Variants in ZBTB46 observed in about 807,000 individuals in gnomAD.
The protein encoded by ZBTB46 is zinc finger and BTB domain containing 46.
ZBTB46 carries 8 observed loss-of-function variants against 44.1 expected under a neutral mutation model. The ratio of observed to expected loss-of-function variants is 0.18; its 90% confidence interval spans 0.11 to 0.33. The LOEUF (loss-of-function observed/expected upper bound fraction) is 0.33. Among genes scored for constraint, ZBTB46 ranks in the 10% least tolerant of loss-of-function variants. The pLI is 1.00. For synonymous variants in ZBTB46, 409 were observed against 382.3 expected, an observed-to-expected ratio of 1.07 and a Z score of -0.81; for missense variants, 651 against 847.7, an observed-to-expected ratio of 0.77 and a Z score of 2.88.
intron 1 of ZBTB46, among the ~76,000 whole-genome samples, chr20:63,791,958 G>A (rs1380311730): frequency 2.0e-5 from 3 of 152,166 alleles, no homozygotes; most frequent in Non-Finnish European, 2.9e-5. Context: ...GATGTCGGCC[G>A]AGCTGGTGCC....
chr20:63,793,458 G>C (rs1381210158), intron 1 of ZBTB46, among the ~76,000 whole-genome samples: 1 of 152,124 alleles, frequency 6.6e-6, no homozygotes, highest in Non-Finnish European at 1.5e-5. Context: ...CCCGAAGCTG[G>C]GGGGTCCACA....
intron 1 of ZBTB46, among the ~76,000 whole-genome samples, chr20:63,820,712 G>A (rs938945057): frequency 6.6e-5 from 10 of 151,512 alleles, no homozygotes; most frequent in African/African-American, 2.2e-4. Flanking sequence ...GATTACAGGC[G>A]TGAGCCACCG....
intron 3 of ZBTB46, among the ~76,000 whole-genome samples, chr20:63,761,757 G>C (rs953689035): frequency 6.7e-6 from 1 of 149,752 alleles, no homozygotes; most frequent in Admixed American, 6.7e-5. Context: ...ACTCCAGCCT[G>C]GGTGACAGAG....
intron 1 of ZBTB46, among the ~76,000 whole-genome samples, chr20:63,798,885 T>G (rs6010655): frequency 0.17 from 26,351 of 151,160 alleles, 2,754 homozygotes; most frequent in East Asian, 0.45. Context: ...AATCACCATT[T>G]TAAAGTGGAA....
At chr20:63,816,123 TGG>T (rs2146059494) in intron 1 of ZBTB46, among the ~76,000 whole-genome samples, 2 of 148,938 alleles carry the variant, frequency 1.3e-5, no homozygotes, top group East Asian at 4.0e-4. Flanking sequence ...TGGGCGCAGG[TGG>T]GCGCAGGTGC....
chr20:63,808,976 CAAAAAA>C (rs1157399042), intron 1 of ZBTB46, among the ~76,000 whole-genome samples: 22,287 of 75,324 alleles, frequency 0.3, 2,398 homozygotes, highest in East Asian at 0.58. Flanking sequence ...GACTCCGCTT[CAAAAAA>C]AAAAAAAAAA....
Position 63,790,861 on chromosome 20 carries a change from C to G in ZBTB46, c.-33-71G>C, listed in dbSNP as rs574998620. ...GGCCGTGAGAGGACGCCGGGCGGGG[C>G]GCAGGAGGGCCATGGGGCACAGAGT... is the stretch of plus-strand genomic sequence containing the variant. On this transcript the variant is annotated intron_variant, in intron 1 of 4. Coordinates refer to ENST00000245663, the MANE Select transcript of ZBTB46 (RefSeq NM_001369741.1). 2.3e-4 allele frequency: 330 copies of G among 1,448,438 alleles called. No homozygotes were observed. In the African/African-American group the frequency reaches 4.4e-3, roughly 19 times the overall value. The allele number at this position is 1,448,438 out of a possible 1,614,324, so 89.7% of individuals were successfully genotyped here.
At position 63,779,717 on chromosome 20, in the gene ZBTB46, C is replaced by T. The variant is rs1016548490; in HGVS notation, c.938-3755G>A. On this transcript the variant is annotated intron_variant, in intron 2 of 4. Coordinates refer to ENST00000245663, the MANE Select transcript of ZBTB46 (RefSeq NM_001369741.1). ...TTACAGGCCTGTGAGCCACCGCGCC[C>T]GGCCGCTAATTTTTGTATTTTTAGT... 4.0e-5 allele frequency among the ~76,000 whole-genome samples: 6 copies of T among 151,462 alleles called. 1 individual carries two copies. The highest frequency in any genetic ancestry group is 3.3e-4 in the Admixed American group (5 of 15,180).
chr20:63,799,757 G>A (rs1028509715), intron 1 of ZBTB46, among the ~76,000 whole-genome samples: 6 of 152,142 alleles, frequency 3.9e-5, no homozygotes, highest in African/African-American at 1.4e-4. Context: ...GGGGAAGTGC[G>A]CCCGGAACCA....
At chr20:63,800,432 G>A (rs11086127) in intron 1 of ZBTB46, among the ~76,000 whole-genome samples, 27,385 of 152,136 alleles carry the variant, frequency 0.18, 3,002 homozygotes, top group East Asian at 0.45. Context: ...CACTCTTGGC[G>A]CCTCCTCGAC....
chr20:63,750,051 C>A (rs2092146098), intron 4 of ZBTB46, among the ~76,000 whole-genome samples: 1 of 152,198 alleles, frequency 6.6e-6, no homozygotes, highest in African/African-American at 2.4e-5. Context: ...TGGTGCTCTT[C>A]CTGGAGCGGG....
At chr20:63,816,352 G>A (rs1344765765) in intron 1 of ZBTB46, 1 of 176,292 alleles carries the variant, frequency 5.7e-6, no homozygotes, top group Non-Finnish European at 1.1e-5. Context: ...TCTCCTCACA[G>A]GCTCACATCA....
chr20:63,754,602 CAACT>C (rs2092202572), intron 3 of ZBTB46, among the ~76,000 whole-genome samples: 1 of 150,086 alleles, frequency 6.7e-6, no homozygotes, highest in Non-Finnish European at 1.5e-5. Flanking sequence ...TGGCCCAAAA[CAACT>C]TTTTTTTTTT....
intron 2 of ZBTB46, 86 bp downstream of exon 2, chr20:63,789,735 A>G: frequency 1.3e-6 from 2 of 1,513,682 alleles, no homozygotes; most frequent in Non-Finnish European, 1.8e-6. Flanking sequence ...GAGCCTGGAC[A>G]TGCGTCACTG....
At chr20:63,756,525 G>T (rs551170765) in intron 3 of ZBTB46, among the ~76,000 whole-genome samples, 3 of 151,994 alleles carry the variant, frequency 2.0e-5, no homozygotes, top group Non-Finnish European at 4.4e-5. Context: ...TTAACTCTGT[G>T]TTAGAATGTG....
intron 1 of ZBTB46, among the ~76,000 whole-genome samples, chr20:63,802,569 G>A (rs73323366): frequency 0.1 from 15,122 of 151,602 alleles, 1,238 homozygotes; most frequent in African/African-American, 0.23. Flanking sequence ...CAGACCCCCA[G>A]CACCCTCCCA....
At position 63,767,842 on chromosome 20, in the gene ZBTB46, T is replaced by C. The variant is rs1276649730; in HGVS notation, c.1222+7836A>G. 4 of 978,350 alleles carry C rather than the reference T, an allele frequency of 4.1e-6. No individual in the cohort carries two copies. The highest frequency in any genetic ancestry group is 4.9e-6 in the Non-Finnish European group (4 of 823,970). The allele number at this position is 978,350 out of a possible 1,614,324, so 60.6% of individuals were successfully genotyped here. A position where few individuals can be genotyped will look rare whatever the true frequency, so the allele number is the denominator to read the frequency against. On this transcript the variant is annotated intron_variant, in intron 3 of 4. Transcript: ENST00000245663. This position sits in a 1 kb window ranked among gnomAD's most constrained non-coding sequence, Gnocchi z 5.0. ...GTCCATCCAGGGCTGGGCAAGTCCA[T>C]CCAGGCCTGGGCTGGAAGAAGACTC...
In ZBTB46 at chr20:63,789,803, A is replaced by G. The variant is rs1568870594; in HGVS notation, c.937+18T>C. 6.3e-7 allele frequency: 1 copy of G among 1,593,752 alleles called. No homozygotes were observed. Among genetic ancestry groups the G allele is most frequent in the Non-Finnish European group, 8.5e-7 (1 of 1,171,854 alleles). On this transcript the variant is annotated intron_variant, in intron 2 of 4. Coordinates refer to ENST00000245663, the MANE Select transcript of ZBTB46 (RefSeq NM_001369741.1). Reference sequence around the variant, plus strand: ...CACACTGGGGCAGCTGAGCCCCCGTAACGAGTGAAAGGCTTACTTGAGTCT... The same window carrying G: ...CACACTGGGGCAGCTGAGCCCCCGTGACGAGTGAAAGGCTTACTTGAGTCT...
At chr20:63,818,871 C>CAAA (rs141702422) in intron 1 of ZBTB46, among the ~76,000 whole-genome samples, 16 of 79,956 alleles carry the variant, frequency 2.0e-4, no homozygotes, top group African/African-American at 7.4e-4. Flanking sequence ...AACTCCAGCT[C>CAAA]AAAAAAAAAA....
Sources: gnomAD v4.1 joint callset for allele counts (sites outside exome capture counted in the v4.1 genomes callset) on GRCh38, gnomAD v4.1.1 for gene constraint, Gnocchi (gnomAD v3.1) non-coding constraint, MANE v1.5 for transcripts, NCBI Gene and HGNC (gene_info 2026-07-23, HGNC 2026-07-21) for gene names.